Variants in ADAMTS2 observed in about 807,000 individuals in gnomAD.
ADAMTS2 encodes ADAM metallopeptidase with thrombospondin type 1 motif 2.
In ADAMTS2, 50 loss-of-function variants were observed where a neutral mutation model predicts 123.0. The ratio of observed to expected loss-of-function variants is 0.41; its 90% CI spans 0.32 to 0.51. The LOEUF (loss-of-function observed/expected upper bound fraction) is 0.51. Among genes scored for constraint, ADAMTS2 ranks in the 20% least tolerant of loss-of-function variants. ADAMTS2 has a pLI of 0.35. For synonymous variants in ADAMTS2, 678 were observed against 695.4 expected (o/e 0.98, Z 0.39); for missense variants, 1,494 against 1,705.2 (o/e 0.88, Z 2.18).
chr5:179,339,038 G>A (rs1757695646), intron 2 of ADAMTS2, among the ~76,000 whole-genome samples: 1 of 152,184 alleles, frequency 6.6e-6, no homozygotes, highest in African/African-American at 2.4e-5. Flanking sequence ...GGACTTCTAA[G>A]CCCAACATGG....
At position 179,130,243 on chromosome 5, in the gene ADAMTS2, G is replaced by C; in HGVS notation, c.2291-145C>G. ...CCCCGGCCAGTTTCCTCTGTGCCACGACAGCCCAGATGGCTCTGGGAGCCC... is the reference window on the plus strand; with the variant it reads ...CCCCGGCCAGTTTCCTCTGTGCCACCACAGCCCAGATGGCTCTGGGAGCCC... On this transcript the variant is annotated intron_variant, in intron 15 of 21. Coordinates refer to ENST00000251582, the MANE Select transcript of ADAMTS2 (RefSeq NM_014244.5). This position sits in a 1 kb window ranked among gnomAD's most constrained non-coding sequence, Gnocchi z 4.3. 1 of 995,978 alleles carries C rather than the reference G, an allele frequency of 1.0e-6. No homozygotes were observed. Among genetic ancestry groups the C allele is most frequent in the South Asian group, 1.4e-5 (1 of 72,756 alleles). The allele number at this position is 995,978 out of a possible 1,614,324, so 61.7% of individuals were successfully genotyped here. A position where few individuals can be genotyped will look rare whatever the true frequency, so the allele number is the denominator to read the frequency against.
chr5:179,190,583 T>C (rs1764282000), intron 4 of ADAMTS2, among the ~76,000 whole-genome samples: 1 of 152,216 alleles, frequency 6.6e-6, no homozygotes, highest in African/African-American at 2.4e-5. Flanking sequence ...TCCTTGAGTT[T>C]ATGTTGTCAT....
intron 5 of ADAMTS2, among the ~76,000 whole-genome samples, chr5:179,164,608 G>C (rs1763663750): frequency 6.6e-6 from 1 of 152,124 alleles, no homozygotes; most frequent in Admixed American, 6.5e-5. Flanking sequence ...AGGAAACATG[G>C]TCACGGCAAT....
At chr5:179,315,574 C>G (rs1375827691) in intron 2 of ADAMTS2, among the ~76,000 whole-genome samples, 1 of 152,252 alleles carries the variant, frequency 6.6e-6, no homozygotes, top group Non-Finnish European at 1.5e-5. Context: ...GTCTCCACCT[C>G]CGGGGACACG....
chr5:179,120,243 G>C (rs1343524773), intron 21 of ADAMTS2: 1 of 152,054 alleles, frequency 6.6e-6, no homozygotes, highest in Admixed American at 6.5e-5. Flanking sequence ...TCATTAGTAA[G>C]AATGAAAGGT....
At chr5:179,134,030 C>T (rs1375789621) in intron 13 of ADAMTS2, among the ~76,000 whole-genome samples, 1 of 152,096 alleles carries the variant, frequency 6.6e-6, no homozygotes, top group Non-Finnish European at 1.5e-5. Context: ...TCTTTAATAC[C>T]CATGTCAGGA....
intron 3 of ADAMTS2, among the ~76,000 whole-genome samples, chr5:179,257,969 G>C (rs935359700): frequency 6.6e-6 from 1 of 152,122 alleles, no homozygotes; most frequent in Non-Finnish European, 1.5e-5. Flanking sequence ...GGCCGACCCC[G>C]TGTCTACCTG....
Position 179,312,272 on chromosome 5 carries a change from A to C in ADAMTS2, c.534+31495T>G, listed in dbSNP as rs979965604. 2.0e-5 allele frequency among the ~76,000 whole-genome samples: 3 copies of C among 152,180 alleles called. No homozygotes were observed. The highest frequency in any genetic ancestry group is 2.9e-5 in the Non-Finnish European group (2 of 68,034). On this transcript the variant is annotated intron_variant, in intron 2 of 21. Transcript: ENST00000251582. The surrounding 1 kb of genome is among the most constrained non-coding windows in gnomAD (Gnocchi z 4.2). ...GGGCCCAGGGATAGACAGAATGTTT[A>C]TATTCCCCCCAAATTCCGATGTTGA...
chr5:179,277,320 C>CCG (rs1561674454), intron 2 of ADAMTS2, among the ~76,000 whole-genome samples: 2 of 62,462 alleles, frequency 3.2e-5, no homozygotes, highest in Non-Finnish European at 6.8e-5. Flanking sequence ...CAAAGGCTGA[C>CCG]ACCCCGAGAC....
At chr5:179,139,143 G>C (rs114182620) in intron 11 of ADAMTS2, among the ~76,000 whole-genome samples, 171 of 152,298 alleles carry the variant, frequency 1.1e-3, no homozygotes, top group African/African-American at 3.9e-3. Context: ...GGGAGACGGG[G>C]GTAACGCTGA....
intron 3 of ADAMTS2, among the ~76,000 whole-genome samples, chr5:179,269,902 G>A (rs868868102): frequency 6.6e-6 from 1 of 152,114 alleles, no homozygotes; most frequent in Admixed American, 6.5e-5. Context: ...CTCAGAGCTC[G>A]GCCTCCGGTC....
chr5:179,342,328 G>A (rs1371705106), intron 2 of ADAMTS2, among the ~76,000 whole-genome samples: 5 of 151,508 alleles, frequency 3.3e-5, no homozygotes, highest in Non-Finnish European at 5.9e-5. Flanking sequence ...AACCTCCAGC[G>A]TAAAATGGGA....
intron 12 of ADAMTS2, 44 bp downstream of exon 12, chr5:179,137,725 G>T: frequency 6.5e-7 from 1 of 1,530,816 alleles, no homozygotes; most frequent in Non-Finnish European, 8.8e-7. Context: ...CCACCCTAGG[G>T]CCTGCCTGCT....
intron 5 of ADAMTS2, among the ~76,000 whole-genome samples, chr5:179,178,301 C>T (rs570494617): frequency 1.3e-5 from 2 of 151,124 alleles, no homozygotes; most frequent in East Asian, 2.0e-4. Context: ...GAGCTGGAAC[C>T]GGATTGCTGG....
chr5:179,182,372 C>T (rs1265986016), intron 4 of ADAMTS2, among the ~76,000 whole-genome samples: 2 of 152,312 alleles, frequency 1.3e-5, no homozygotes, highest in South Asian at 2.1e-4. Context: ...AGACATACTT[C>T]CCGGAGCCTG....
At chr5:179,284,672 C>T (rs964545115) in intron 2 of ADAMTS2, among the ~76,000 whole-genome samples, 1 of 152,178 alleles carries the variant, frequency 6.6e-6, no homozygotes, top group African/African-American at 2.4e-5. Flanking sequence ...CAGGTGTGAA[C>T]CACCGTTCCC....
intron 4 of ADAMTS2, among the ~76,000 whole-genome samples, chr5:179,183,071 G>A (rs1228496911): frequency 6.6e-6 from 1 of 152,222 alleles, no homozygotes; most frequent in Non-Finnish European, 1.5e-5. Flanking sequence ...CAATGAAACG[G>A]TTTTTCATTG....
At chr5:179,163,140 A>G (rs1763630952) in intron 5 of ADAMTS2, among the ~76,000 whole-genome samples, 1 of 152,092 alleles carries the variant, frequency 6.6e-6, no homozygotes, top group Non-Finnish European at 1.5e-5. Context: ...GAGGTCCGCT[A>G]TCCTAGTGTG....
chr5:179,322,498 G>A (rs564650138), intron 2 of ADAMTS2, among the ~76,000 whole-genome samples: 52 of 152,260 alleles, frequency 3.4e-4, no homozygotes, highest in South Asian at 1.9e-3. Flanking sequence ...CCTGAGCCAC[G>A]CTGGGTCCTC....
Sources: gnomAD v4.1 joint callset for allele counts (sites outside exome capture counted in the v4.1 genomes callset) on GRCh38, gnomAD v4.1.1 for gene constraint, Gnocchi (gnomAD v3.1) non-coding constraint, MANE v1.5 for transcripts, NCBI Gene and HGNC (gene_info 2026-07-23, HGNC 2026-07-21) for gene names.